FRMD3: variants seen among roughly 807,000 people sequenced by gnomAD.
FRMD3 encodes FERM domain-containing protein 3.
Under a neutral mutation model 70.2 loss-of-function variants are expected in FRMD3, and 33 were observed. The ratio of observed to expected loss-of-function variants is 0.47; its 90% confidence interval spans 0.36 to 0.63. The LOEUF (loss-of-function observed/expected upper bound fraction) is 0.63, where lower values mean the gene tolerates loss of function less well. FRMD3 is among the 20% of genes least tolerant of loss of function. The probability of loss-of-function intolerance (pLI) is 0.00; values close to 1 mark genes in which losing one functional copy is unlikely to be tolerated. For synonymous variants in FRMD3, 279 were observed against 255.9 expected, an observed-to-expected ratio of 1.09 and a Z score of -0.86; for missense variants, 632 against 711.4, an observed-to-expected ratio of 0.89 and a Z score of 1.27.
At position 83,311,979 on chromosome 9, in the gene FRMD3, A is replaced by T. The variant is rs1587710962; in HGVS notation, c.685-4T>A. Reference sequence around the variant, plus strand: ...ATGTTGTTGTGCCTGTTGAATCCTGAAAAAAAAAAAAAAGAAAAAAGAAAA... The same window carrying T: ...ATGTTGTTGTGCCTGTTGAATCCTGTAAAAAAAAAAAAAGAAAAAAGAAAA... On this transcript the variant is annotated splice_polypyrimidine_tract_variant and splice_region_variant and intron_variant, in intron 7 of 13. Transcript: ENST00000304195. The T allele has an allele frequency of 1.6e-5, 5 of 316,252 alleles. No individual in the cohort carries two copies. Among genetic ancestry groups the T allele is most frequent in the East Asian group, 2.2e-4 (1 of 4,632 alleles). 19.6% of individuals were successfully genotyped at this position (316,252 alleles called of 1,614,324 possible).
chr9:83,343,918 G>A (rs1823863801), intron 4 of FRMD3, among the ~76,000 whole-genome samples: 1 of 152,238 alleles, frequency 6.6e-6, no homozygotes, highest in African/African-American at 2.4e-5. Flanking sequence ...ACCTGTGCTG[G>A]TGCAAGAAGT....
chr9:83,424,497 C>A (rs575105950), intron 1 of FRMD3, among the ~76,000 whole-genome samples: 146 of 152,296 alleles, frequency 9.6e-4, no homozygotes, highest in African/African-American at 3.2e-3. Flanking sequence ...AAGAGCAGCC[C>A]TTGTACATTC....
Position 83,244,651 on chromosome 9 carries a change from T to C in FRMD3, c.*3267A>G, listed in dbSNP as rs1231051370. On this transcript the variant is annotated 3_prime_UTR_variant, in exon 14 of 14. Transcript: ENST00000304195. ...ACCCCAGAGTATTTTTATTAGGGAT[T>C]CCTGCCACCATATTAACATATAAAA... is the stretch of plus-strand genomic sequence containing the variant. 1 of 984,924 alleles carries C rather than the reference T, an allele frequency of 1.0e-6. No individual in the cohort carries two copies. Among genetic ancestry groups the C allele is most frequent in the East Asian group, 1.1e-4 (1 of 8,820 alleles). 61.0% of individuals were successfully genotyped at this position (984,924 alleles called of 1,614,324 possible).
intron 1 of FRMD3, among the ~76,000 whole-genome samples, chr9:83,478,133 C>T (rs1828442259): frequency 6.6e-6 from 1 of 152,178 alleles, no homozygotes; most frequent in South Asian, 2.1e-4. Flanking sequence ...ACTTGCATTT[C>T]AATTTAGAAC....
intron 2 of FRMD3, among the ~76,000 whole-genome samples, chr9:83,389,158 C>T (rs77006735): frequency 7.2e-5 from 11 of 151,886 alleles, no homozygotes; most frequent in South Asian, 4.2e-4. Flanking sequence ...ATGTTGCCAG[C>T]ACTGGTCTTG....
chr9:83,362,243 C>A (rs1190736878), intron 3 of FRMD3, among the ~76,000 whole-genome samples: 1 of 151,764 alleles, frequency 6.6e-6, no homozygotes, highest in Non-Finnish European at 1.5e-5. Flanking sequence ...GACAAAAAAT[C>A]ATTCATTAGC....
chr9:83,490,798 T>TCACACACACA (rs60065758), intron 1 of FRMD3, among the ~76,000 whole-genome samples: 84 of 110,784 alleles, frequency 7.6e-4, no homozygotes, highest in Middle Eastern at 5.1e-3. Flanking sequence ...TCTCTCTCTC[T>TCACACACACA]CACACACACA....
At chr9:83,297,293 T>G (rs1834714763) in intron 12 of FRMD3, among the ~76,000 whole-genome samples, 1 of 152,144 alleles carries the variant, frequency 6.6e-6, no homozygotes. Flanking sequence ...GCTGAACCAC[T>G]TGGGGTAGTT....
chr9:83,467,456 A>G (rs1289008252), intron 1 of FRMD3, among the ~76,000 whole-genome samples: 2 of 152,226 alleles, frequency 1.3e-5, no homozygotes, highest in Admixed American at 1.3e-4. Context: ...CCTCTAAGAT[A>G]CTGGTCAGAA....
At chr9:83,401,725 C>A (rs546726973) in intron 1 of FRMD3, among the ~76,000 whole-genome samples, 1 of 152,254 alleles carries the variant, frequency 6.6e-6, no homozygotes, top group African/African-American at 2.4e-5. Flanking sequence ...GTGGTGAGTC[C>A]CACACCAGCT....
chr9:83,444,086 T>C (rs762636492), intron 1 of FRMD3, among the ~76,000 whole-genome samples: 18 of 152,272 alleles, frequency 1.2e-4, no homozygotes, highest in Non-Finnish European at 2.1e-4. Context: ...TACTTCACAC[T>C]TAGTGCTGGT....
intron 2 of FRMD3, among the ~76,000 whole-genome samples, chr9:83,378,364 A>G (rs185928207): frequency 0.013 from 1,829 of 142,758 alleles, 32 homozygotes; most frequent in African/African-American, 0.045. Context: ...TGCAGCCTCC[A>G]CCTCCTGGGT....
chr9:83,578,356 G>A, the FRMD3 span, among the ~76,000 whole-genome samples: 4 of 151,820 alleles, frequency 2.6e-5, no homozygotes, highest in Non-Finnish European at 5.9e-5. Context: ...AGATACCAAC[G>A]TCAGACAAGG....
At chr9:83,466,754 A>G (rs1240846674) in intron 1 of FRMD3, among the ~76,000 whole-genome samples, 2 of 152,266 alleles carry the variant, frequency 1.3e-5, no homozygotes, top group Admixed American at 1.3e-4. Flanking sequence ...TGAGCAGTTT[A>G]GAATTCGGCA....
intron 13 of FRMD3, among the ~76,000 whole-genome samples, chr9:83,251,886 T>C (rs1037556363): frequency 1.3e-4 from 20 of 152,094 alleles, no homozygotes; most frequent in Admixed American, 1.3e-3. Context: ...CCTGAACCTA[T>C]CCCTGATTCT....
chr9:83,522,564 TA>T (rs938979351), intron 1 of FRMD3, among the ~76,000 whole-genome samples: 3 of 107,900 alleles, frequency 2.8e-5, no homozygotes, highest in African/African-American at 4.0e-5. Context: ...TATATATATA[TA>T]ATTTTTTTTT....
the FRMD3 span, among the ~76,000 whole-genome samples, chr9:83,553,211 T>G: frequency 6.6e-6 from 1 of 152,234 alleles, no homozygotes; most frequent in South Asian, 2.1e-4. Flanking sequence ...GAAACGATCT[T>G]ATTTTTCCTT....
intron 1 of FRMD3, among the ~76,000 whole-genome samples, chr9:83,446,422 C>T (rs1293088055): frequency 1.3e-5 from 2 of 151,602 alleles, no homozygotes; most frequent in African/African-American, 2.4e-5. Context: ...CCGAGGCGGG[C>T]GGATCACAAG....
At chr9:83,393,954 T>G (rs1346695883) in intron 1 of FRMD3, among the ~76,000 whole-genome samples, 1 of 151,680 alleles carries the variant, frequency 6.6e-6, no homozygotes, top group African/African-American at 2.4e-5. Flanking sequence ...TTGTTGTTTT[T>G]TTTTACAAAT....
Sources: gnomAD v4.1 joint callset for allele counts (sites outside exome capture counted in the v4.1 genomes callset) on GRCh38, gnomAD v4.1.1 for gene constraint, MANE v1.5 for transcripts, NCBI Gene and HGNC (gene_info 2026-07-23, HGNC 2026-07-21) for gene names.